Variants in EYS observed in about 807,000 individuals in gnomAD.
EYS encodes EGF-like photoreceptor maintenance factor.
In EYS, 250 loss-of-function variants were observed where a neutral mutation model predicts 282.1. The ratio of observed to expected loss-of-function variants is 0.89; its 90% confidence interval spans 0.80 to 0.98. The LOEUF (loss-of-function observed/expected upper bound fraction) is 0.98. EYS is among the 50% of genes least tolerant of loss of function. The pLI is 0.00. For missense variants in EYS, 4,016 were observed against 3,709.0 expected (o/e 1.08, Z -2.15); for synonymous variants, 1,355 against 1,282.9 (o/e 1.06, Z -1.20).
intron 26 of EYS, among the ~76,000 whole-genome samples, chr6:64,489,967 G>A (rs114799063): frequency 0.012 from 1,841 of 150,800 alleles, 28 homozygotes; most frequent in African/African-American, 0.042. Flanking sequence ...AGCACACTTT[G>A]GCACAGTCTG....
At chr6:63,910,893 T>G (rs1382056584) in intron 35 of EYS, among the ~76,000 whole-genome samples, 2 of 152,130 alleles carry the variant, frequency 1.3e-5, no homozygotes, top group African/African-American at 4.8e-5. Flanking sequence ...TTATTTTAGA[T>G]AGCAGTTGTT....
At chr6:65,204,351 T>C (rs1191713279) in intron 12 of EYS, among the ~76,000 whole-genome samples, 1 of 151,130 alleles carries the variant, frequency 6.6e-6, no homozygotes, top group African/African-American at 2.4e-5. Context: ...GCCATCAGAC[T>C]ACAGCAGACT....
At chr6:65,590,816 T>A (rs1276829795) in intron 2 of EYS, among the ~76,000 whole-genome samples, 2 of 152,076 alleles carry the variant, frequency 1.3e-5, no homozygotes, top group African/African-American at 4.8e-5. Flanking sequence ...TAATGTTTTT[T>A]TTTTATGGCT....
intron 29 of EYS, among the ~76,000 whole-genome samples, chr6:64,345,375 A>T (rs1771342560): frequency 6.6e-6 from 1 of 152,160 alleles, no homozygotes; most frequent in Non-Finnish European, 1.5e-5. Context: ...GGAACAGAAC[A>T]GAGCCCTCAG....
intron 15 of EYS, among the ~76,000 whole-genome samples, chr6:64,928,579 T>C (rs886627342): frequency 6.6e-6 from 1 of 152,136 alleles, no homozygotes; most frequent in Non-Finnish European, 1.5e-5. Flanking sequence ...TGGTATTATG[T>C]TTTTACATTT....
chr6:64,123,724 T>C (rs1773668587), intron 31 of EYS, among the ~76,000 whole-genome samples: 1 of 152,222 alleles, frequency 6.6e-6, no homozygotes, highest in Non-Finnish European at 1.5e-5. Context: ...CAGCCAGAAA[T>C]GTCCCCTTTA....
chr6:64,543,768 C>T (rs1764760349), intron 26 of EYS, among the ~76,000 whole-genome samples: 1 of 152,080 alleles, frequency 6.6e-6, no homozygotes. Flanking sequence ...TATCAGTTTC[C>T]TATCCTGTGA....
chr6:63,954,670 A>G (rs1399378446), intron 35 of EYS, among the ~76,000 whole-genome samples: 1 of 152,108 alleles, frequency 6.6e-6, no homozygotes, highest in Non-Finnish European at 1.5e-5. Context: ...TCCAACTTCT[A>G]TTCCTCACGG....
At chr6:63,726,438 T>A in intron 42 of EYS, 81 bp downstream of exon 42, 1 of 1,195,386 alleles carries the variant, frequency 8.4e-7, no homozygotes, top group Non-Finnish European at 1.1e-6. Context: ...ATTTAAATAC[T>A]AGGTGACACA....
At chr6:64,109,796 C>T (rs1203596150) in intron 31 of EYS, among the ~76,000 whole-genome samples, 1 of 152,064 alleles carries the variant, frequency 6.6e-6, no homozygotes, top group Non-Finnish European at 1.5e-5. Context: ...ACAGCACAGT[C>T]TCATTCAATA....
intron 2 of EYS, among the ~76,000 whole-genome samples, chr6:65,621,128 GA>G (rs1281997050): frequency 1.3e-5 from 2 of 152,062 alleles, no homozygotes; most frequent in Admixed American, 6.6e-5. Flanking sequence ...CTGTCTCGTT[GA>G]TCTGTCTAAT....
intron 22 of EYS, among the ~76,000 whole-genome samples, chr6:64,670,502 G>T (rs1162300442): frequency 1.3e-5 from 2 of 151,910 alleles, no homozygotes; most frequent in South Asian, 2.1e-4. Context: ...TGTTACGTTT[G>T]ACCTTTGCTT....
chr6:64,126,648 CCTT>C (rs1372191439), intron 31 of EYS, among the ~76,000 whole-genome samples: 1 of 152,140 alleles, frequency 6.6e-6, no homozygotes, highest in African/African-American at 2.4e-5. Flanking sequence ...CACTTCTCCT[CCTT>C]AACTGCTTAT....
intron 35 of EYS, among the ~76,000 whole-genome samples, chr6:63,956,885 G>T (rs1412299741): frequency 1.3e-5 from 2 of 152,076 alleles, no homozygotes; most frequent in East Asian, 3.8e-4. Context: ...TACAACAGTG[G>T]TCTCCAATAC....
chr6:64,285,924 C>A (rs1018598646), intron 30 of EYS, among the ~76,000 whole-genome samples: 2 of 152,122 alleles, frequency 1.3e-5, no homozygotes, highest in African/African-American at 4.8e-5. Context: ...TATGGGAGTA[C>A]AATTCAAGAT....
At chr6:65,334,678 C>A (rs1178306261) in intron 11 of EYS, among the ~76,000 whole-genome samples, 1 of 151,772 alleles carries the variant, frequency 6.6e-6, no homozygotes, top group Non-Finnish European at 1.5e-5. Flanking sequence ...TCGTACACAT[C>A]TTAACTTAGC....
chr6:63,938,992 T>G (rs1381307608), intron 35 of EYS, among the ~76,000 whole-genome samples: 2 of 152,194 alleles, frequency 1.3e-5, no homozygotes. Flanking sequence ...TAAAAGTCAT[T>G]AAACAATTTT....
intron 34 of EYS, among the ~76,000 whole-genome samples, chr6:63,992,509 T>G (rs530003012): frequency 4.2e-4 from 64 of 151,830 alleles, no homozygotes; most frequent in Non-Finnish European, 8.4e-4. Flanking sequence ...AGTGTGTGTG[T>G]GGGAGCAATA....
At chr6:65,164,090 A>G (rs1407704674) in intron 12 of EYS, among the ~76,000 whole-genome samples, 4 of 151,372 alleles carry the variant, frequency 2.6e-5, no homozygotes, top group Non-Finnish European at 5.9e-5. Context: ...GAATATTACA[A>G]TATTAACTGA....
Sources: allele counts gnomAD v4.1 joint callset (sites outside exome capture counted in the v4.1 genomes callset), GRCh38; gene constraint gnomAD v4.1.1; transcripts MANE v1.5; gene names NCBI Gene and HGNC (gene_info 2026-07-23, HGNC 2026-07-21).